FNIP2: variants seen among roughly 807,000 people sequenced by gnomAD.
FNIP2 encodes folliculin interacting protein 2.
A neutral mutation model predicts 108.7 loss-of-function variants in FNIP2; 32 were observed. That is an observed-to-expected ratio of 0.29 (90% confidence interval 0.22 to 0.40). The LOEUF (loss-of-function observed/expected upper bound fraction) is 0.40. Among genes scored for constraint, FNIP2 ranks in the 10% least tolerant of loss-of-function variants. The pLI is 1.00. For missense variants in FNIP2, 1,202 were observed against 1,381.6 expected (o/e 0.87, Z 2.06); for synonymous variants, 480 against 496.7 (o/e 0.97, Z 0.45).
In FNIP2 at chr4:158,831,874, C is replaced by A; in HGVS notation, c.395C>A (p.Ala132Asp). 1 of 1,610,998 alleles carries A rather than the reference C, an allele frequency of 6.2e-7. No individual in the cohort carries two copies. The highest frequency in any genetic ancestry group is 1.1e-5 in the South Asian group (1 of 90,274). Residue 132 changes from alanine to aspartate, a missense_variant, in exon 4 of 17, where the codon GCT (alanine) becomes GAT (aspartate). Transcript: ENST00000264433. ...TCTTGCATGTAGTACACAAGACCAG[C>A]TTCCGATGTCAACATGTTAGGGGAA... ...QLPKYQYTRP[A>D]SDVNMLGEMM...
chr4:158,870,295 G>A lies in FNIP2; in HGVS notation c.2793-18G>A, dbSNP rs768437584. On this transcript the variant is annotated intron_variant, in intron 13 of 16. Coordinates refer to ENST00000264433, the MANE Select transcript of FNIP2 (RefSeq NM_020840.3). The stretch of plus-strand genomic sequence containing the variant: ...ACATTTTTAGCTGTGCATTTTAATG[G>A]GCCACATGTTGTTTTAGGTCTCAGA... 30 of 1,608,404 alleles carry A rather than the reference G, an allele frequency of 1.9e-5. No homozygotes were observed. In the South Asian group the frequency reaches 3.3e-4, roughly 18 times the overall value.
chr4:158,823,615 T>G (rs1241464186), intron 1 of FNIP2, among the ~76,000 whole-genome samples: 6 of 152,340 alleles, frequency 3.9e-5, no homozygotes, highest in Non-Finnish European at 8.8e-5. Flanking sequence ...ATTCCAGGAA[T>G]AGTGCTTACT....
At chr4:158,864,758 C>G (rs528597667) in intron 12 of FNIP2, among the ~76,000 whole-genome samples, 2 of 152,188 alleles carry the variant, frequency 1.3e-5, no homozygotes, top group East Asian at 3.9e-4. Context: ...CTTCCTCCCT[C>G]TTTGTTTTCT....
At chr4:158,897,020 C>T (rs960136114) in intron 16 of FNIP2, among the ~76,000 whole-genome samples, 10 of 151,916 alleles carry the variant, frequency 6.6e-5, no homozygotes, top group East Asian at 3.9e-4. Flanking sequence ...AAATAGGCCC[C>T]GGTGTGTGAT....
rs1170316451 is a variant in FNIP2, at chr4:158,861,792, G to T, written c.1465+16G>T. 1 of 1,613,434 alleles carries T rather than the reference G, an allele frequency of 6.2e-7. No homozygotes were observed. The highest frequency in any genetic ancestry group is 1.3e-5 in the African/African-American group (1 of 74,894). On this transcript the variant is annotated intron_variant, in intron 12 of 16. Coordinates refer to ENST00000264433, the MANE Select transcript of FNIP2 (RefSeq NM_020840.3). Reference sequence around the variant, plus strand: ...GCACAGCTGGGTTAGTACCTAATTTGACTATTCAGAGAATATATGGGATGG... The same window carrying T: ...GCACAGCTGGGTTAGTACCTAATTTTACTATTCAGAGAATATATGGGATGG...
intron 13 of FNIP2, among the ~76,000 whole-genome samples, chr4:158,869,957 C>T (rs527262552): frequency 2.0e-5 from 3 of 152,356 alleles, no homozygotes; most frequent in Admixed American, 6.5e-5. Flanking sequence ...TCCGCACTGT[C>T]GTGGGCACCA....
chr4:158,814,185 G>A (rs1487529384), intron 1 of FNIP2, among the ~76,000 whole-genome samples: 1 of 152,166 alleles, frequency 6.6e-6, no homozygotes, highest in Non-Finnish European at 1.5e-5. Context: ...GCAGAGGAAG[G>A]TCCTGGAAGG....
chr4:158,857,992 C>G (rs1780084081), intron 8 of FNIP2, among the ~76,000 whole-genome samples: 1 of 152,176 alleles, frequency 6.6e-6, no homozygotes, highest in African/African-American at 2.4e-5. Context: ...GACCATAACA[C>G]TTTTGGCATA....
intron 1 of FNIP2, among the ~76,000 whole-genome samples, chr4:158,792,511 C>T (rs1467074765): frequency 1.3e-5 from 2 of 151,822 alleles, no homozygotes; most frequent in Non-Finnish European, 2.9e-5. Flanking sequence ...AAGCTTTGTT[C>T]AGGCATGAGT....
intron 1 of FNIP2, among the ~76,000 whole-genome samples, chr4:158,781,737 G>A (rs990059689): frequency 2.0e-5 from 3 of 152,136 alleles, no homozygotes; most frequent in Non-Finnish European, 4.4e-5. Context: ...GGCTGGTCTC[G>A]AACTCCTGGC....
At chr4:158,817,581 C>G (rs990089245) in intron 1 of FNIP2, among the ~76,000 whole-genome samples, 2 of 152,210 alleles carry the variant, frequency 1.3e-5, no homozygotes, top group Non-Finnish European at 2.9e-5. Context: ...GTGTCTCACT[C>G]TGTCGCCCAG....
intron 1 of FNIP2, among the ~76,000 whole-genome samples, chr4:158,817,059 C>T (rs569613819): frequency 3.9e-5 from 6 of 152,180 alleles, no homozygotes; most frequent in African/African-American, 4.8e-5. Flanking sequence ...TGGATTCAAG[C>T]GATCCTCCTG....
intron 1 of FNIP2, among the ~76,000 whole-genome samples, chr4:158,820,953 A>G (rs1267099087): frequency 1.3e-5 from 2 of 152,196 alleles, no homozygotes; most frequent in Admixed American, 1.3e-4. Flanking sequence ...TTTTGGGGAC[A>G]CAATTTAAAC....
intron 14 of FNIP2, among the ~76,000 whole-genome samples, chr4:158,873,699 C>CT (rs1781094195): frequency 6.6e-6 from 1 of 152,208 alleles, no homozygotes; most frequent in Non-Finnish European, 1.5e-5. Context: ...TTCAGAAGTT[C>CT]TTTAAATATT....
rs1174074162 is a variant in FNIP2 at position 158,769,376 on chromosome 4, G to A, written c.107+57G>A. The A allele has an allele frequency of 4.1e-6, 5 of 1,222,040 alleles. No individual in the cohort carries two copies. The African/African-American group carries it at 4.8e-5, about 12-fold the overall frequency. 75.7% of individuals were successfully genotyped at this position (1,222,040 alleles called of 1,614,324 possible). Reference sequence around the variant, plus strand: ...GGGACCCGAGTTGGCTTCGGTGCTCGCCGGGGAGGGGACGGGTAGGGGAAA... The same window carrying A: ...GGGACCCGAGTTGGCTTCGGTGCTCACCGGGGAGGGGACGGGTAGGGGAAA... On this transcript the variant is annotated intron_variant, in intron 1 of 16. Transcript: ENST00000264433.
In FNIP2 at chr4:158,880,201, C is replaced by T. The variant is rs188310729; in HGVS notation, c.2949+9732C>T. 5.7e-4 allele frequency among the ~76,000 whole-genome samples: 86 copies of T among 151,702 alleles called. 2 individuals carry two copies. The highest frequency in any genetic ancestry group is 1.9e-3 in the Admixed American group (29 of 15,238). On this transcript the variant is annotated intron_variant, in intron 14 of 16. Coordinates refer to ENST00000264433, the MANE Select transcript of FNIP2 (RefSeq NM_020840.3). ...AAGACTTGGAACCAACCCAAATGCC[C>T]ATCAATAATAGACTGGATTAAGAAA...
At chr4:158,863,716 A>T (rs1183342411) in intron 12 of FNIP2, among the ~76,000 whole-genome samples, 1 of 152,266 alleles carries the variant, frequency 6.6e-6, no homozygotes, top group African/African-American at 2.4e-5. Flanking sequence ...CTGTTCCAAA[A>T]GATGCATTGA....
rs1159399125 is a variant in FNIP2, at chr4:158,875,755, C to A, written c.2949+5286C>A. 2.6e-5 allele frequency among the ~76,000 whole-genome samples: 4 copies of A among 151,990 alleles called. No individual in the cohort carries two copies. The East Asian group carries it at 7.7e-4, about 29-fold the overall frequency. On this transcript the variant is annotated intron_variant, in intron 14 of 16. Transcript: ENST00000264433. The stretch of plus-strand genomic sequence containing the variant: ...GGAACATCTCTCGTTGTTTTCTTTT[C>A]CCCATGTTTGGATAATAAACATGGC...
chr4:158,775,077 C>T (rs1775816270), intron 1 of FNIP2, among the ~76,000 whole-genome samples: 1 of 152,174 alleles, frequency 6.6e-6, no homozygotes, highest in Admixed American at 6.5e-5. Flanking sequence ...GCTACTTTGC[C>T]GTTGTGTTTC....
Sources: gnomAD v4.1 joint callset for allele counts (sites outside exome capture counted in the v4.1 genomes callset) on GRCh38, gnomAD v4.1.1 for gene constraint, MANE v1.5 for transcripts, NCBI Gene and HGNC (gene_info 2026-07-23, HGNC 2026-07-21) for gene names.